Variants in BPHL observed in about 807,000 individuals in gnomAD.
BPHL encodes biphenyl hydrolase like, also known as serine hydrolase BPHL.
Under a neutral mutation model 31.2 loss-of-function variants are expected in BPHL, and 27 were observed. The ratio of observed to expected loss-of-function variants is 0.87; its 90% CI spans 0.64 to 1.19. The LOEUF (loss-of-function observed/expected upper bound fraction) is 1.19, where lower values mean the gene tolerates loss of function less well. Among genes scored for constraint, BPHL ranks in the 50% most tolerant of loss-of-function variants. The pLI, the probability that BPHL is intolerant of heterozygous loss-of-function variation, is 0.00. For synonymous variants in BPHL, 150 were observed against 146.8 expected (o/e 1.02, Z -0.16); for missense variants, 356 against 375.7 (o/e 0.95, Z 0.43).
In BPHL at chr6:3,119,514, T is replaced by C. The variant is rs1222427495; in HGVS notation, c.107+667T>C. The stretch of plus-strand genomic sequence containing the variant: ...CTCCCACCTGTCCCCCCATTTCAGG[T>C]AAAACAATAACAAAAAAACTGGATT... On this transcript the variant is annotated intron_variant, in intron 1 of 6. Coordinates refer to ENST00000380379, the MANE Select transcript of BPHL (RefSeq NM_004332.4). 9 of 1,613,906 alleles carry C rather than the reference T, an allele frequency of 5.6e-6. No individual in the cohort carries two copies. The Admixed American group carries it at 1.5e-4, about 27-fold the overall frequency.
intron 1 of BPHL, 88 bp downstream of exon 1, chr6:3,118,935 C>T: frequency 2.7e-6 from 3 of 1,101,052 alleles, no homozygotes; most frequent in Non-Finnish European, 3.5e-6. Flanking sequence ...GCAGGAGTTC[C>T]CGGCGCGCGG....
rs55671816 is a variant in BPHL at position 3,151,571 on chromosome 6, G to A, written c.789-917G>A. ...GAGGTTCTGAGCTGTCAGCCCCCCA[G>A]TATTGAAACTCAAAAAATTAGGGAA... On this transcript the variant is annotated intron_variant, in intron 6 of 6. Transcript: ENST00000380379. Among the ~76,000 whole-genome samples the A allele has an allele frequency of 4.6e-5, 7 of 152,248 alleles. No homozygotes were observed. The East Asian group carries it at 9.6e-4, about 21-fold the overall frequency.
intron 6 of BPHL, among the ~76,000 whole-genome samples, chr6:3,144,570 T>C (rs1196445726): frequency 2.6e-5 from 4 of 151,786 alleles, no homozygotes; most frequent in Admixed American, 2.6e-4. Flanking sequence ...GTATGTATTT[T>C]GTGTAGAGAA....
At chr6:3,147,814 G>A (rs553890997) in intron 6 of BPHL, among the ~76,000 whole-genome samples, 1 of 152,304 alleles carries the variant, frequency 6.6e-6, no homozygotes, top group African/African-American at 2.4e-5. Context: ...GCCAGGAGAG[G>A]AGATGGTGTG....
chr6:3,118,932 T>G, intron 1 of BPHL, 85 bp downstream of exon 1: 1 of 1,104,634 alleles, frequency 9.1e-7, no homozygotes, highest in Non-Finnish European at 1.1e-6. Context: ...ACAGCAGGAG[T>G]TCCCGGCGCG....
At chr6:3,119,182 C>G in intron 1 of BPHL, 1 of 1,097,970 alleles carries the variant, frequency 9.1e-7, no homozygotes, top group Non-Finnish European at 1.3e-6. Flanking sequence ...TCACCCGTGA[C>G]GGAGCACGGA....
chr6:3,123,583 T>C (rs1426767076), intron 1 of BPHL, 74 bp from the exon 2 acceptor site: 4 of 1,314,386 alleles, frequency 3.0e-6, no homozygotes, highest in Non-Finnish European at 4.4e-6. Flanking sequence ...CCTGTCTAGC[T>C]GGAATTTTGA....
intron 2 of BPHL, among the ~76,000 whole-genome samples, chr6:3,126,586 CTTT>C (rs551046674): frequency 5.2e-4 from 74 of 140,970 alleles, no homozygotes; most frequent in Admixed American, 8.6e-4. Context: ...AGCGCGCCTC[CTTT>C]TTTTTTTTTT....
intron 4 of BPHL, among the ~76,000 whole-genome samples, chr6:3,132,354 G>A (rs1310486045): frequency 6.6e-6 from 1 of 152,060 alleles, no homozygotes; most frequent in Non-Finnish European, 1.5e-5. Flanking sequence ...CCTCTCTCAG[G>A]CTGTTCCCTG....
At chr6:3,144,369 CTTCT>C (rs1287710079) in intron 6 of BPHL, among the ~76,000 whole-genome samples, 6 of 97,282 alleles carry the variant, frequency 6.2e-5, no homozygotes, top group African/African-American at 1.8e-4. Context: ...ACTTGGCCTT[CTTCT>C]TTTTTTTTTT....
chr6:3,127,459 T>TC (rs1307674622), intron 3 of BPHL, 51 bp downstream of exon 3: 2 of 1,407,858 alleles, frequency 1.4e-6, no homozygotes, highest in Non-Finnish European at 1.9e-6. Flanking sequence ...GGGCCTGTCT[T>TC]CATTTATTTT....
intron 4 of BPHL, 70 bp from the exon 5 acceptor site, chr6:3,137,292 C>G (rs532869218): frequency 6.4e-7 from 1 of 1,563,022 alleles, no homozygotes; most frequent in Non-Finnish European, 8.7e-7. Flanking sequence ...GTGGCTCTTG[C>G]TCAGAATACT....
In BPHL at chr6:3,152,503, A is replaced by G; in HGVS notation, c.804A>G (p.Pro268=). Residue 268 remains proline (P), a synonymous_variant, in exon 7 of 7, where the codon CCA becomes CCG. Coordinates refer to ENST00000380379, the MANE Select transcript of BPHL (RefSeq NM_004332.4). ...HVKGSRLHLM[P]EGKHNLHLRF... ...CCTTTTTTAGGCTGCATTTGATGCCAGAAGGCAAACACAACCTGCATTTGC... is the reference window on the plus strand; with the variant it reads ...CCTTTTTTAGGCTGCATTTGATGCCGGAAGGCAAACACAACCTGCATTTGC... The G allele has an allele frequency of 6.2e-7, 1 of 1,613,404 alleles. No homozygotes were observed. Among genetic ancestry groups the G allele is most frequent in the Non-Finnish European group, 8.5e-7 (1 of 1,179,716 alleles).
At chr6:3,121,558 C>T (rs1761576560) in intron 1 of BPHL, among the ~76,000 whole-genome samples, 1 of 152,094 alleles carries the variant, frequency 6.6e-6, no homozygotes, top group Admixed American at 6.5e-5. Flanking sequence ...ACCTCGTGAT[C>T]CACCCACCTG....
intron 1 of BPHL, among the ~76,000 whole-genome samples, chr6:3,121,165 T>C (rs1761558757): frequency 6.6e-6 from 1 of 152,036 alleles, no homozygotes; most frequent in Non-Finnish European, 1.5e-5. Flanking sequence ...GATGTAAAAA[T>C]AATTCATCAA....
Position 3,140,614 on chromosome 6 carries a change from C to G in BPHL, c.788+105C>G. On this transcript the variant is annotated intron_variant, in intron 6 of 6. Coordinates refer to ENST00000380379, the MANE Select transcript of BPHL (RefSeq NM_004332.4). The surrounding 1 kb of genome is among the most constrained non-coding windows in gnomAD (Gnocchi z 5.2). ...AGAGGAGTTGGAGTTTTAGAGTGCA[C>G]AGCCCCCCTTTTGCCAATGCCAGTC... The G allele has an allele frequency of 1.3e-6, 2 of 1,520,708 alleles. No individual in the cohort carries two copies. The highest frequency in any genetic ancestry group is 1.8e-6 in the Non-Finnish European group (2 of 1,125,542). The allele number at this position is 1,520,708 out of a possible 1,614,324, so 94.2% of individuals were successfully genotyped here.
Position 3,140,158 on chromosome 6 carries a change from G to C in BPHL, c.665-228G>C. The C allele has an allele frequency of 3.6e-6, 2 of 555,522 alleles. No homozygotes were observed. Among genetic ancestry groups the C allele is most frequent in the South Asian group, 4.9e-5 (2 of 40,734 alleles). 34.4% of individuals were successfully genotyped at this position (555,522 alleles called of 1,614,324 possible). A position where few individuals can be genotyped will look rare whatever the true frequency, so the allele number is the denominator to read the frequency against. On this transcript the variant is annotated intron_variant, in intron 5 of 6. Coordinates refer to ENST00000380379, the MANE Select transcript of BPHL (RefSeq NM_004332.4). This position sits in a 1 kb window ranked among gnomAD's most constrained non-coding sequence, Gnocchi z 5.2. Reference sequence around the variant, plus strand: ...TTTAAATCAGGCTGCTTATTTACTAGTAGAACTCAGAAACAGGCAAACAAA... The same window carrying C: ...TTTAAATCAGGCTGCTTATTTACTACTAGAACTCAGAAACAGGCAAACAAA...
intron 4 of BPHL, among the ~76,000 whole-genome samples, chr6:3,129,869 C>T (rs180903126): frequency 6.2e-5 from 9 of 145,142 alleles, no homozygotes; most frequent in East Asian, 6.1e-4. Flanking sequence ...TGCAGTCGTG[C>T]GATCTCAGCT....
At chr6:3,151,573 A>G (rs573771089) in intron 6 of BPHL, among the ~76,000 whole-genome samples, 2 of 152,276 alleles carry the variant, frequency 1.3e-5, no homozygotes, top group Non-Finnish European at 2.9e-5. Context: ...GCCCCCCAGT[A>G]TTGAAACTCA....
Sources: gnomAD v4.1 joint callset for allele counts (sites outside exome capture counted in the v4.1 genomes callset) on GRCh38, gnomAD v4.1.1 for gene constraint, Gnocchi (gnomAD v3.1) non-coding constraint, MANE v1.5 for transcripts, NCBI Gene and HGNC (gene_info 2026-07-23, HGNC 2026-07-21) for gene names.